SEMA5A: variants seen among roughly 807,000 people sequenced by gnomAD.
SEMA5A encodes semaphorin 5A, also known as semaphorin-5A.
In SEMA5A, 55 loss-of-function variants were observed where a neutral mutation model predicts 135.5. The observed-to-expected ratio is 0.41, with a 90% CI of 0.33 to 0.51. The LOEUF (loss-of-function observed/expected upper bound fraction) is 0.51. Ranked by LOEUF, SEMA5A falls within the 20% of genes least tolerant of loss-of-function variation. SEMA5A has a pLI of 0.37. For synonymous variants in SEMA5A, 580 were observed against 546.5 expected (o/e 1.06, Z -0.85); for missense variants, 1,290 against 1,419.9 (o/e 0.91, Z 1.47).
At chr5:9,400,379 A>T (rs1198357860) in intron 2 of SEMA5A, among the ~76,000 whole-genome samples, 2 of 152,182 alleles carry the variant, frequency 1.3e-5, no homozygotes, top group African/African-American at 4.8e-5. Flanking sequence ...AATTAAAAAT[A>T]AATTCTTTTT....
intron 1 of SEMA5A, chr5:9,512,019 G>A (rs913561177): frequency 6.6e-6 from 1 of 152,154 alleles, no homozygotes; most frequent in Non-Finnish European, 1.5e-5. Context: ...AAGAAGAAAA[G>A]TCTTGGAAAC....
At chr5:9,419,143 G>C (rs1757379449) in intron 2 of SEMA5A, among the ~76,000 whole-genome samples, 1 of 151,996 alleles carries the variant, frequency 6.6e-6, no homozygotes, top group Non-Finnish European at 1.5e-5. Flanking sequence ...AGTTATTCAG[G>C]AGTAAGTTGT....
At chr5:9,422,937 A>T (rs914086535) in intron 2 of SEMA5A, among the ~76,000 whole-genome samples, 1 of 152,208 alleles carries the variant, frequency 6.6e-6, no homozygotes, top group African/African-American at 2.4e-5. Flanking sequence ...TTTATGAAGA[A>T]GCAATATTGC....
At chr5:9,294,189 C>A (rs1157137634) in intron 5 of SEMA5A, among the ~76,000 whole-genome samples, 1 of 152,196 alleles carries the variant, frequency 6.6e-6, no homozygotes, top group Non-Finnish European at 1.5e-5. Flanking sequence ...CCTTCCGGTA[C>A]ATCGTCACCT....
chr5:9,417,357 C>T (rs1310959100), intron 2 of SEMA5A, among the ~76,000 whole-genome samples: 4 of 152,224 alleles, frequency 2.6e-5, no homozygotes, highest in African/African-American at 9.6e-5. Flanking sequence ...TTTACGTGTG[C>T]ACATTATCCA....
chr5:9,468,489 T>C (rs1375662595), intron 1 of SEMA5A, among the ~76,000 whole-genome samples: 1 of 152,116 alleles, frequency 6.6e-6, no homozygotes, highest in Non-Finnish European at 1.5e-5. Flanking sequence ...TTACAATATG[T>C]TTCTAAATAA....
chr5:9,144,188 A>C (rs1366927821), intron 12 of SEMA5A, among the ~76,000 whole-genome samples: 5 of 152,190 alleles, frequency 3.3e-5, no homozygotes, highest in Non-Finnish European at 5.9e-5. Flanking sequence ...ACCCTCCCCC[A>C]GTGTCCTCTC....
chr5:9,165,527 C>T (rs1386648983), intron 11 of SEMA5A, among the ~76,000 whole-genome samples: 1 of 152,186 alleles, frequency 6.6e-6, no homozygotes, highest in Non-Finnish European at 1.5e-5. Flanking sequence ...TGACAATGGT[C>T]ACTTGTGACA....
intron 1 of SEMA5A, among the ~76,000 whole-genome samples, chr5:9,456,117 C>A (rs1373039161): frequency 6.6e-6 from 1 of 152,210 alleles, no homozygotes; most frequent in Non-Finnish European, 1.5e-5. Flanking sequence ...TAGATTGGGG[C>A]ATAAATTCTA....
chr5:9,507,544 T>G (rs969062489), intron 1 of SEMA5A, among the ~76,000 whole-genome samples: 2 of 152,226 alleles, frequency 1.3e-5, no homozygotes, highest in African/African-American at 2.4e-5. Context: ...TCCTTATTTC[T>G]TGGCTTCCAT....
chr5:9,133,139 A>G (rs1297435915), intron 13 of SEMA5A, among the ~76,000 whole-genome samples: 1 of 152,224 alleles, frequency 6.6e-6, no homozygotes, highest in Admixed American at 6.5e-5. Context: ...TTGCCCAATA[A>G]AATTAAGCCC....
chr5:9,060,504 G>A (rs1737126135), intron 18 of SEMA5A, among the ~76,000 whole-genome samples: 4 of 152,246 alleles, frequency 2.6e-5, no homozygotes, highest in Admixed American at 1.3e-4. Context: ...GCATGGACCC[G>A]AATCTAGTGA....
At chr5:9,169,475 G>C (rs937187304) in intron 11 of SEMA5A, among the ~76,000 whole-genome samples, 1 of 152,140 alleles carries the variant, frequency 6.6e-6, no homozygotes, top group Non-Finnish European at 1.5e-5. Context: ...GCATGTAAAC[G>C]TGTCACACCC....
At chr5:9,517,151 G>C (rs953506277) in intron 1 of SEMA5A, 10 of 152,162 alleles carry the variant, frequency 6.6e-5, no homozygotes, top group South Asian at 2.1e-4. Context: ...GTCCGGAGTG[G>C]GTGGGAGCAA....
rs146264921 is a variant in SEMA5A, at chr5:9,464,735, A to T, written c.-174-26883T>A. ...GACCATCACAGCCTCCTTTGAGTGGAAAACAGAATAAAATGGAAGAAAGTG... is the reference window on the plus strand; with the variant it reads ...GACCATCACAGCCTCCTTTGAGTGGTAAACAGAATAAAATGGAAGAAAGTG... On this transcript the variant is annotated intron_variant, in intron 1 of 22. Coordinates refer to ENST00000382496, the MANE Select transcript of SEMA5A (RefSeq NM_003966.3). Among the ~76,000 whole-genome samples the T allele has an allele frequency of 7.2e-5, 11 of 152,118 alleles. No homozygotes were observed. The East Asian group carries it at 1.9e-3, about 27-fold the overall frequency.
At chr5:9,294,796 C>T (rs988484166) in intron 5 of SEMA5A, among the ~76,000 whole-genome samples, 2 of 152,216 alleles carry the variant, frequency 1.3e-5, no homozygotes, top group Non-Finnish European at 2.9e-5. Context: ...CCTGATTCAA[C>T]AATTCATTCA....
At chr5:9,081,311 T>C (rs565603340) in intron 16 of SEMA5A, among the ~76,000 whole-genome samples, 77 of 152,274 alleles carry the variant, frequency 5.1e-4, no homozygotes, top group South Asian at 2.5e-3. Flanking sequence ...TTCCCAGACT[T>C]TGACTCACTG....
At chr5:9,401,785 G>T (rs1288464166) in intron 2 of SEMA5A, among the ~76,000 whole-genome samples, 1 of 152,132 alleles carries the variant, frequency 6.6e-6, no homozygotes, top group Non-Finnish European at 1.5e-5. Flanking sequence ...AATCAGCCTG[G>T]GGTTGCTAGT....
rs187714400 is a variant in SEMA5A at position 9,513,274 on chromosome 5, G to A, written c.-175+32310C>T. Among the ~76,000 whole-genome samples the A allele has an allele frequency of 2.0e-5, 3 of 151,848 alleles. No homozygotes were observed. In the East Asian group the frequency reaches 5.8e-4, roughly 29 times the overall value. On this transcript the variant is annotated intron_variant, in intron 1 of 22. Coordinates refer to ENST00000382496, the MANE Select transcript of SEMA5A (RefSeq NM_003966.3). ...TCATTCCGATAATAGTATTAAACCA[G>A]AAAACTTTACAGAGTGAAAAAGTAA... is the stretch of plus-strand genomic sequence containing the variant.
Sources: allele counts gnomAD v4.1 joint callset (sites outside exome capture counted in the v4.1 genomes callset), GRCh38; gene constraint gnomAD v4.1.1; transcripts MANE v1.5; gene names NCBI Gene and HGNC (gene_info 2026-07-23, HGNC 2026-07-21).